Variants in AFG1L observed in about 807,000 individuals in gnomAD.
The protein encoded by AFG1L is AFG1 like ATPase.
A neutral mutation model predicts 62.2 loss-of-function variants in AFG1L; 53 were observed. That is an observed-to-expected ratio of 0.85 (90% CI 0.68 to 1.07). AFG1L has a LOEUF of 1.07. AFG1L is among the 50% of genes least tolerant of loss of function. AFG1L has a pLI of 0.00. For synonymous variants in AFG1L, 228 were observed against 210.3 expected (o/e 1.08, Z -0.73); for missense variants, 555 against 590.5 (o/e 0.94, Z 0.62).
At chr6:108,380,916 T>C (rs902938478) in intron 6 of AFG1L, among the ~76,000 whole-genome samples, 3 of 152,228 alleles carry the variant, frequency 2.0e-5, no homozygotes, top group Non-Finnish European at 2.9e-5. Context: ...AGCTGGATGC[T>C]ATCATGGGGG....
chr6:108,372,004 C>T (rs1450761114), intron 6 of AFG1L, among the ~76,000 whole-genome samples: 2 of 151,972 alleles, frequency 1.3e-5, no homozygotes, highest in African/African-American at 4.8e-5. Context: ...GTAGTTCTCC[C>T]TCCTAGTCCT....
At chr6:108,440,991 G>A (rs1409126020) in intron 7 of AFG1L, among the ~76,000 whole-genome samples, 1 of 152,048 alleles carries the variant, frequency 6.6e-6, no homozygotes, top group Non-Finnish European at 1.5e-5. Context: ...ATAGAAGTTC[G>A]ATTTATGTAG....
chr6:108,495,215 G>T (rs572234525), intron 10 of AFG1L, among the ~76,000 whole-genome samples: 2 of 152,218 alleles, frequency 1.3e-5, no homozygotes, highest in Non-Finnish European at 1.5e-5. Context: ...CTATTAAAAG[G>T]TACTTCTCTT....
At chr6:108,478,663 CTT>C (rs1773219220) in intron 10 of AFG1L, among the ~76,000 whole-genome samples, 1 of 152,152 alleles carries the variant, frequency 6.6e-6, no homozygotes. Context: ...GGAAAATAAA[CTT>C]GAGAAGAATC....
intron 8 of AFG1L, among the ~76,000 whole-genome samples, chr6:108,447,534 A>T (rs1358067218): frequency 6.6e-6 from 1 of 152,154 alleles, no homozygotes; most frequent in Non-Finnish European, 1.5e-5. Context: ...ATGATGACAG[A>T]TGGTTAGAAT....
chr6:108,447,351 C>T (rs899942124), intron 8 of AFG1L, 55 bp downstream of exon 8: 1 of 1,071,936 alleles, frequency 9.3e-7, no homozygotes. Context: ...AGAAAAAGAA[C>T]ATAAAAATAA....
Position 108,334,000 on chromosome 6 carries a change from TTTTTGTTTTG to T in AFG1L, c.363+9967_363+9976del, listed in dbSNP as rs773731148. Among the ~76,000 whole-genome samples, 11 of 152,234 alleles carry T rather than the reference TTTTTGTTTTG, an allele frequency of 7.2e-5. No homozygotes were observed. In the South Asian group the frequency reaches 2.1e-3, roughly 29 times the overall value. ...GAGATATTTCAACAGGTTAGTTTTG[TTTTTGTTTTG>T]TTTTGTTTTGTTTTTGAGACAGAGT... On this transcript the variant is annotated intron_variant, in intron 2 of 12. Coordinates refer to ENST00000368977, the MANE Select transcript of AFG1L (RefSeq NM_145315.5).
intron 7 of AFG1L, among the ~76,000 whole-genome samples, chr6:108,446,620 T>C (rs932477502): frequency 1.3e-5 from 2 of 151,926 alleles, no homozygotes; most frequent in Non-Finnish European, 2.9e-5. Flanking sequence ...TGCTCGCAGC[T>C]TAGCCGGCCA....
In AFG1L at chr6:108,425,785, A is replaced by G. The variant is rs189959094; in HGVS notation, c.808-21429A>G. 2.6e-5 allele frequency among the ~76,000 whole-genome samples: 4 copies of G among 152,244 alleles called. No individual in the cohort carries two copies. The East Asian group carries it at 5.8e-4, about 22-fold the overall frequency. On this transcript the variant is annotated intron_variant, in intron 7 of 12. Coordinates refer to ENST00000368977, the MANE Select transcript of AFG1L (RefSeq NM_145315.5). ...AAGGAACTCTTTATCTTTCTTTTAT[A>G]TAAAAGTATAATCTATCTTATTAAT...
chr6:108,326,890 G>A (rs1338355207), intron 2 of AFG1L, among the ~76,000 whole-genome samples: 1 of 152,044 alleles, frequency 6.6e-6, no homozygotes, highest in Non-Finnish European at 1.5e-5. Context: ...AATCCAGGAG[G>A]CGGAGGTTGC....
chr6:108,411,269 G>T (rs186338105), intron 7 of AFG1L, among the ~76,000 whole-genome samples: 1 of 152,208 alleles, frequency 6.6e-6, no homozygotes, highest in Admixed American at 6.5e-5. Context: ...CTGGAAGCTC[G>T]AACTGGGTGG....
chr6:108,508,876 A>G (rs948258673), intron 10 of AFG1L, among the ~76,000 whole-genome samples: 2 of 152,190 alleles, frequency 1.3e-5, no homozygotes, highest in African/African-American at 4.8e-5. Context: ...TGAGATAGAC[A>G]TTTCTGGACA....
At chr6:108,349,472 A>G (rs1778995400) in intron 3 of AFG1L, among the ~76,000 whole-genome samples, 1 of 152,112 alleles carries the variant, frequency 6.6e-6, no homozygotes, top group African/African-American at 2.4e-5. Context: ...CAACAGAGTG[A>G]GACCCCCATC....
At chr6:108,433,984 G>A (rs1015074748) in intron 7 of AFG1L, among the ~76,000 whole-genome samples, 9 of 152,170 alleles carry the variant, frequency 5.9e-5, no homozygotes, top group Admixed American at 2.0e-4. Context: ...TGGCCATCCC[G>A]CAGGCTGGGA....
intron 10 of AFG1L, among the ~76,000 whole-genome samples, chr6:108,492,183 T>G (rs2114853932): frequency 6.6e-6 from 1 of 152,360 alleles, no homozygotes; most frequent in Non-Finnish European, 1.5e-5. Context: ...GGTTCACCTT[T>G]CATGTCACAT....
intron 6 of AFG1L, among the ~76,000 whole-genome samples, chr6:108,369,873 G>A (rs141804857): frequency 0.028 from 4,252 of 152,170 alleles, 194 homozygotes; most frequent in African/African-American, 0.098. Context: ...GCCTCCCAAA[G>A]TGCTAGGATT....
chr6:108,358,687 A>G (rs1779395633), intron 5 of AFG1L, among the ~76,000 whole-genome samples: 1 of 152,110 alleles, frequency 6.6e-6, no homozygotes, highest in South Asian at 2.1e-4. Context: ...GGGCGCCACC[A>G]TGCCCAGCTA....
chr6:108,482,115 A>G (rs1002907904), intron 10 of AFG1L, among the ~76,000 whole-genome samples: 2 of 152,212 alleles, frequency 1.3e-5, no homozygotes, highest in Non-Finnish European at 2.9e-5. Flanking sequence ...AACACATGCA[A>G]TGTTTTGATA....
intron 10 of AFG1L, among the ~76,000 whole-genome samples, chr6:108,491,786 A>G (rs1365870571): frequency 1.3e-5 from 2 of 152,146 alleles, no homozygotes; most frequent in African/African-American, 4.8e-5. Flanking sequence ...ACTTTTTAAT[A>G]TCTTTTGAAT....
Sources: gnomAD v4.1 joint callset for allele counts (sites outside exome capture counted in the v4.1 genomes callset) on GRCh38, gnomAD v4.1.1 for gene constraint, MANE v1.5 for transcripts, NCBI Gene and HGNC (gene_info 2026-07-23, HGNC 2026-07-21) for gene names.